CPAP: variants seen among roughly 807,000 people sequenced by gnomAD.
The protein encoded by CPAP is centrosome assembly and centriole elongation protein, also known as centrosomal P4.1-associated protein.
the CPAP span, chr13:24,906,581 C>CT: frequency 6.2e-7 from 1 of 1,614,214 alleles, no homozygotes; most frequent in Non-Finnish European, 8.5e-7. Context: ...GATCTGGTCT[C>CT]TAAACTGCCC....
chr13:24,915,533 G>A, the CPAP span, among the ~76,000 whole-genome samples: 4 of 152,140 alleles, frequency 2.6e-5, no homozygotes, highest in Admixed American at 2.6e-4. Context: ...GCTGGGCGCA[G>A]TGGCTCACGC....
At chr13:24,914,982 G>A in the CPAP span, among the ~76,000 whole-genome samples, 1 of 152,034 alleles carries the variant, frequency 6.6e-6, no homozygotes. Context: ...GGCTGAGGCG[G>A]GAGAATCGCC....
the CPAP span, chr13:24,924,810 G>C: frequency 6.6e-6 from 1 of 152,228 alleles, no homozygotes; most frequent in African/African-American, 2.4e-5. Flanking sequence ...TCAAATCCTA[G>C]CTTGATAACT....
At chr13:24,921,312 C>T in the CPAP span, among the ~76,000 whole-genome samples, 1 of 151,650 alleles carries the variant, frequency 6.6e-6, no homozygotes, top group Admixed American at 6.6e-5. Context: ...TCTCGAAGAG[C>T]GACAGATATA....
the CPAP span, among the ~76,000 whole-genome samples, chr13:24,910,348 T>C: frequency 6.6e-6 from 1 of 152,156 alleles, no homozygotes; most frequent in South Asian, 2.1e-4. Flanking sequence ...CTCAGCCTCC[T>C]GAGTAGCTGG....
At chr13:24,923,570 T>C in the CPAP span, among the ~76,000 whole-genome samples, 1 of 152,158 alleles carries the variant, frequency 6.6e-6, no homozygotes, top group Non-Finnish European at 1.5e-5. Context: ...ATCTAGGAAG[T>C]TACAGCACCG....
the CPAP span, among the ~76,000 whole-genome samples, chr13:24,918,195 A>G: frequency 6.6e-6 from 1 of 152,264 alleles, no homozygotes; most frequent in East Asian, 1.9e-4. Flanking sequence ...TACTATGACC[A>G]GAACAGTGAA....
the CPAP span, chr13:24,883,920 T>G: frequency 6.2e-7 from 1 of 1,612,946 alleles, no homozygotes; most frequent in Non-Finnish European, 8.5e-7. Context: ...GATGAACAGG[T>G]GTCACACTGA....
chr13:24,890,653 C>A, the CPAP span, among the ~76,000 whole-genome samples: 83 of 152,310 alleles, frequency 5.4e-4, no homozygotes, highest in African/African-American at 1.9e-3. Context: ...CAGGTTGGCC[C>A]AGGTACAGCC....
the CPAP span, among the ~76,000 whole-genome samples, chr13:24,924,122 C>G: frequency 2.0e-5 from 3 of 152,120 alleles, no homozygotes; most frequent in African/African-American, 7.2e-5. Context: ...CGTGAGCCAC[C>G]GCGCCCGGCC....
At chr13:24,917,605 TG>T in the CPAP span, among the ~76,000 whole-genome samples, 1 of 152,210 alleles carries the variant, frequency 6.6e-6, no homozygotes, top group Non-Finnish European at 1.5e-5. Flanking sequence ...TTTCAACACA[TG>T]GATATAACAC....
At chr13:24,889,156 C>A in the CPAP span, 1 of 644,446 alleles carries the variant, frequency 1.6e-6, no homozygotes, top group East Asian at 2.8e-5. Context: ...AATTAACTGG[C>A]GGAATAAGAT....
the CPAP span, among the ~76,000 whole-genome samples, chr13:24,895,040 A>T: frequency 1.3e-5 from 2 of 152,220 alleles, no homozygotes. Context: ...CAAGGCCTCC[A>T]CGTCCCGCGG....
At chr13:24,931,763 TTTA>T in the CPAP span, among the ~76,000 whole-genome samples, 2 of 152,206 alleles carry the variant, frequency 1.3e-5, no homozygotes, top group Non-Finnish European at 2.9e-5. Flanking sequence ...TTAAAGTAAA[TTTA>T]TTATCTCACT....
the CPAP span, among the ~76,000 whole-genome samples, chr13:24,894,489 G>A: frequency 1.4e-4 from 21 of 152,380 alleles, no homozygotes; most frequent in South Asian, 3.3e-3. Flanking sequence ...CACAGGGGCC[G>A]TGTCAGTGCC....
chr13:24,928,491 C>T, the CPAP span, among the ~76,000 whole-genome samples: 18 of 152,322 alleles, frequency 1.2e-4, no homozygotes, highest in East Asian at 2.3e-3. Context: ...TGTCCAGTGG[C>T]GTGATCTTGG....
chr13:24,891,295 G>A, the CPAP span, among the ~76,000 whole-genome samples: 25 of 152,146 alleles, frequency 1.6e-4, no homozygotes, highest in South Asian at 3.7e-3. Flanking sequence ...TCACAGCCCT[G>A]CTGGCCTCTC....
the CPAP span, among the ~76,000 whole-genome samples, chr13:24,888,653 CATATATATCCTAGA>C: frequency 6.6e-6 from 1 of 152,188 alleles, no homozygotes; most frequent in Non-Finnish European, 1.5e-5. Context: ...TCTTACTCTT[CATATATATCCTAGA>C]GAAGCCACAG....
the CPAP span, among the ~76,000 whole-genome samples, chr13:24,917,131 T>C: frequency 1.3e-5 from 2 of 152,060 alleles, no homozygotes; most frequent in Admixed American, 1.3e-4. Flanking sequence ...GCACCTGTAG[T>C]CCCAGCTACT....
Sources: allele counts gnomAD v4.1 joint callset (sites outside exome capture counted in the v4.1 genomes callset), GRCh38; gene constraint gnomAD v4.1.1; transcripts MANE v1.5; gene names NCBI Gene and HGNC (gene_info 2026-07-23, HGNC 2026-07-21).